Variants in ELOVL6 observed in about 807,000 individuals in gnomAD.
ELOVL6 encodes the protein very long chain fatty acid elongase 6.
In ELOVL6, 8 loss-of-function variants were observed where a neutral mutation model predicts 31.7. The ratio of observed to expected loss-of-function variants is 0.25; its 90% CI spans 0.15 to 0.45. The LOEUF is 0.45. ELOVL6 is among the 20% of genes least tolerant of loss of function. The pLI is 1.00. For synonymous variants in ELOVL6, 101 were observed against 117.7 expected (o/e 0.86, Z 0.92); for missense variants, 126 against 326.4 (o/e 0.39, Z 4.73).
At chr4:110,102,785 G>A (rs2126245156) in intron 2 of ELOVL6, among the ~76,000 whole-genome samples, 1 of 151,922 alleles carries the variant, frequency 6.6e-6, no homozygotes, top group East Asian at 1.9e-4. Flanking sequence ...ACCACCTTTA[G>A]TACCCAGACA....
chr4:110,067,528 A>T (rs971665791), intron 2 of ELOVL6, among the ~76,000 whole-genome samples: 2 of 152,220 alleles, frequency 1.3e-5, no homozygotes, highest in African/African-American at 4.8e-5. Context: ...TCACGGTGGA[A>T]GAAGAAGCAA....
At chr4:110,165,417 C>T (rs906425824) in intron 1 of ELOVL6, among the ~76,000 whole-genome samples, 2 of 152,202 alleles carry the variant, frequency 1.3e-5, no homozygotes, top group South Asian at 2.1e-4. Context: ...CACAACCCAA[C>T]TTTATTCCTC....
At chr4:110,177,366 A>G (rs1759139322) in intron 1 of ELOVL6, among the ~76,000 whole-genome samples, 1 of 152,128 alleles carries the variant, frequency 6.6e-6, no homozygotes, top group Admixed American at 6.6e-5. Flanking sequence ...AAGCCCAGGA[A>G]TATGAGACTG....
At chr4:110,191,208 G>C (rs1386244963) in intron 1 of ELOVL6, among the ~76,000 whole-genome samples, 1 of 152,110 alleles carries the variant, frequency 6.6e-6, no homozygotes, top group African/African-American at 2.4e-5. Context: ...TTTTTTTAAA[G>C]TTCTCAGAAA....
At chr4:110,133,845 A>G (rs1757736596) in intron 1 of ELOVL6, among the ~76,000 whole-genome samples, 2 of 152,222 alleles carry the variant, frequency 1.3e-5, no homozygotes, top group Non-Finnish European at 2.9e-5. Context: ...CACTGATTAA[A>G]TGTCTATTAC....
chr4:110,058,291 G>T (rs543149645), intron 3 of ELOVL6, among the ~76,000 whole-genome samples: 4 of 152,166 alleles, frequency 2.6e-5, no homozygotes, highest in Non-Finnish European at 4.4e-5. Context: ...TCTGTTGGAG[G>T]GGGGGAGCGG....
At chr4:110,143,726 C>T (rs191126097) in intron 1 of ELOVL6, among the ~76,000 whole-genome samples, 1 of 152,212 alleles carries the variant, frequency 6.6e-6, no homozygotes, top group East Asian at 1.9e-4. Context: ...AAAACAGTAA[C>T]AAAAGGAATA....
At chr4:110,101,780 C>A (rs1238878473) in intron 2 of ELOVL6, among the ~76,000 whole-genome samples, 1 of 151,740 alleles carries the variant, frequency 6.6e-6, no homozygotes, top group East Asian at 1.9e-4. Context: ...GCTCAGGTGA[C>A]CCTCCCACCT....
intron 1 of ELOVL6, among the ~76,000 whole-genome samples, chr4:110,192,892 T>TCAAAATAAACAGCAAGTGA (rs2126282768): frequency 6.6e-6 from 1 of 152,304 alleles, no homozygotes; most frequent in African/African-American, 2.4e-5. Flanking sequence ...CTGTGATACC[T>TCAAAATAAACAGCAAGTGA]CAAAATAAAC....
At chr4:110,098,868 T>G (rs1756664850) in intron 2 of ELOVL6, among the ~76,000 whole-genome samples, 1 of 152,156 alleles carries the variant, frequency 6.6e-6, no homozygotes, top group Non-Finnish European at 1.5e-5. Flanking sequence ...GATCCATTTA[T>G]TTTATATAAA....
chr4:110,161,870 T>A (rs1261092670), intron 1 of ELOVL6, among the ~76,000 whole-genome samples: 1 of 152,226 alleles, frequency 6.6e-6, no homozygotes, highest in Admixed American at 6.5e-5. Context: ...AACGCTGTAT[T>A]TCCCTAAGTG....
At chr4:110,102,964 G>A (rs1232670956) in intron 2 of ELOVL6, among the ~76,000 whole-genome samples, 1 of 151,878 alleles carries the variant, frequency 6.6e-6, no homozygotes, top group East Asian at 1.9e-4. Context: ...GGCGGTAATC[G>A]AATCATAGGG....
chr4:110,160,238 G>A (rs1368823989), intron 1 of ELOVL6, among the ~76,000 whole-genome samples: 1 of 152,132 alleles, frequency 6.6e-6, no homozygotes, highest in Non-Finnish European at 1.5e-5. Flanking sequence ...TACAGGTAGA[G>A]CATTTTCACT....
At chr4:110,156,834 G>C (rs780271064) in intron 1 of ELOVL6, among the ~76,000 whole-genome samples, 2 of 152,124 alleles carry the variant, frequency 1.3e-5, no homozygotes, top group Non-Finnish European at 2.9e-5. Flanking sequence ...TATCTGCCTT[G>C]GAACAAAATA....
chr4:110,128,007 A>G (rs1471748438), intron 1 of ELOVL6, among the ~76,000 whole-genome samples: 1 of 151,922 alleles, frequency 6.6e-6, no homozygotes, highest in East Asian at 1.9e-4. Context: ...CAGGAGTTCA[A>G]GACTGGCCTG....
chr4:110,114,453 G>A (rs1757121722), intron 1 of ELOVL6, among the ~76,000 whole-genome samples: 1 of 151,936 alleles, frequency 6.6e-6, no homozygotes, highest in Non-Finnish European at 1.5e-5. Context: ...TTTCAGCTTA[G>A]GAATTCCTGG....
intron 1 of ELOVL6, among the ~76,000 whole-genome samples, chr4:110,126,738 A>G (rs1003080315): frequency 6.6e-6 from 1 of 152,206 alleles, no homozygotes; most frequent in East Asian, 1.9e-4. Flanking sequence ...TGAATCCAGA[A>G]GAGTAACCAT....
At chr4:110,196,223 G>T (rs1759774864) in intron 1 of ELOVL6, among the ~76,000 whole-genome samples, 1 of 152,242 alleles carries the variant, frequency 6.6e-6, no homozygotes, top group Non-Finnish European at 1.5e-5. Context: ...GCGGACTCCG[G>T]AAGAGCAGGT....
At chr4:110,159,740 G>T (rs1758575834) in intron 1 of ELOVL6, among the ~76,000 whole-genome samples, 1 of 152,082 alleles carries the variant, frequency 6.6e-6, no homozygotes, top group Non-Finnish European at 1.5e-5. Context: ...CCCTGCAAAA[G>T]GATTCCAAAA....
Sources: gnomAD v4.1 joint callset for allele counts (sites outside exome capture counted in the v4.1 genomes callset) on GRCh38, gnomAD v4.1.1 for gene constraint, MANE v1.5 for transcripts, NCBI Gene and HGNC (gene_info 2026-07-23, HGNC 2026-07-21) for gene names.